Variants in MFSD11 observed in about 807,000 individuals in gnomAD.
The protein encoded by MFSD11 is major facilitator superfamily domain containing 11.
MFSD11 carries 36 observed loss-of-function variants against 53.5 expected under a neutral mutation model. The ratio of observed to expected loss-of-function variants is 0.67; its 90% CI spans 0.52 to 0.89. The LOEUF (loss-of-function observed/expected upper bound fraction) is 0.89. MFSD11 is among the 40% of genes least tolerant of loss of function. The pLI, the probability that MFSD11 is intolerant of heterozygous loss-of-function variation, is 0.00. For missense variants in MFSD11, 530 were observed against 543.9 expected (o/e 0.97, Z 0.25); for synonymous variants, 186 against 184.9 (o/e 1.01, Z -0.05).
Position 76,769,855 on chromosome 17 carries a change from C to A in MFSD11, c.858C>A (p.Gly286=). Residue 286 remains glycine, a synonymous_variant, in exon 10 of 13, where the codon GGC becomes GGA. Transcript: ENST00000685175. ...SLIGLSGIFI[G]IGEILGGSLF... is the part of the protein sequence containing the mutation. ...TTGGACTTTCTGGCATTTTCATCGG[C>A]ATTGGAGAAATTTTAGGTTGGTTTT... 1 of 1,607,160 alleles carries A rather than the reference C, an allele frequency of 6.2e-7. No homozygotes were observed. The highest frequency in any genetic ancestry group is 8.5e-7 in the Non-Finnish European group (1 of 1,178,520).
At chr17:76,753,188 A>G (rs1397158905) in intron 7 of MFSD11, among the ~76,000 whole-genome samples, 1 of 152,202 alleles carries the variant, frequency 6.6e-6, no homozygotes. Flanking sequence ...CTCGATACCC[A>G]AACAGTCATA....
intron 7 of MFSD11, among the ~76,000 whole-genome samples, chr17:76,750,691 A>G (rs1172753140): frequency 6.6e-6 from 1 of 152,042 alleles, no homozygotes; most frequent in Non-Finnish European, 1.5e-5. Flanking sequence ...TTGGATCACC[A>G]TTAGATTCCT....
At position 76,769,654 on chromosome 17, in the gene MFSD11, C is replaced by T. The variant is rs990543858; in HGVS notation, c.749-92C>T. 2.8e-5 allele frequency: 27 copies of T among 965,074 alleles called. 1 individual carries two copies. Among genetic ancestry groups the T allele is most frequent in the Admixed American group, 1.8e-4 (7 of 39,138 alleles). The allele number at this position is 965,074 out of a possible 1,614,324, so 59.8% of individuals were successfully genotyped here. A position where few individuals can be genotyped will look rare whatever the true frequency, so the allele number is the denominator to read the frequency against. ...TCTGTGAGTTTTATGTGTTTTACTA[C>T]GCAAGTATTCTTTCGTCAGATACTA... is the stretch of plus-strand genomic sequence containing the variant. On this transcript the variant is annotated intron_variant, in intron 9 of 12. Transcript: ENST00000685175.
At chr17:76,736,787 A>G, upstream of MFSD11, 1 of 1,525,380 alleles carries the variant, frequency 6.6e-7, no homozygotes. Context: ...CGGTCCCCTC[A>G]GCCCCGTTTA....
At chr17:76,744,820 GGTTACT>G (rs2078399090) in intron 7 of MFSD11, among the ~76,000 whole-genome samples, 1 of 152,186 alleles carries the variant, frequency 6.6e-6, no homozygotes, top group African/African-American at 2.4e-5. Flanking sequence ...TGTTGACCTT[GGTTACT>G]GTTTCTGTGA....
the MFSD11 span, among the ~76,000 whole-genome samples, chr17:76,803,264 A>T: frequency 6.6e-6 from 1 of 152,176 alleles, no homozygotes; most frequent in African/African-American, 2.4e-5. Flanking sequence ...TGACCTAACC[A>T]ACTCCATCTT....
chr17:76,753,765 C>T (rs1030393471), intron 7 of MFSD11, among the ~76,000 whole-genome samples: 1 of 151,420 alleles, frequency 6.6e-6, no homozygotes, highest in African/African-American at 2.4e-5. Context: ...CCTGAAGTAT[C>T]ATTTCTGAGA....
intron 6 of MFSD11, among the ~76,000 whole-genome samples, 154 bp downstream of exon 6, chr17:76,743,610 G>T (rs1241778409): frequency 6.6e-6 from 1 of 151,964 alleles, no homozygotes; most frequent in African/African-American, 2.4e-5. Context: ...ACTTTTCCTT[G>T]GTTTATATTA....
At chr17:76,790,953 AAG>A in the MFSD11 span, among the ~76,000 whole-genome samples, 1 of 147,800 alleles carries the variant, frequency 6.8e-6, no homozygotes, top group Non-Finnish European at 1.5e-5. Context: ...AAAAAAAAAA[AAG>A]AAATATTCTA....
At position 76,738,980 on chromosome 17, in the gene MFSD11, A is replaced by C; in HGVS notation, c.139A>C (p.Ser47Arg). The change falls in exon 2 of 13, where the codon AGT becomes CGT. Residue 47 changes from serine to arginine, a missense_variant. Ser to Arg is a moderately radical substitution (Grantham distance 110). Coordinates refer to ENST00000685175, the MANE Select transcript of MFSD11 (RefSeq NM_001242532.5). ...CTTAAATAGGACAGATTTTCACGGC[A>C]GTGGATATACCAGGTATTGTACCGT... ...RSLNRTDFHG[S>R]GYTSMAIIYG... 1 of 1,613,688 alleles carries C rather than the reference A, an allele frequency of 6.2e-7. No individual in the cohort carries two copies. The highest frequency in any genetic ancestry group is 1.1e-5 in the South Asian group (1 of 91,080).
At chr17:76,799,064 A>G in the MFSD11 span, 1 of 152,186 alleles carries the variant, frequency 6.6e-6, no homozygotes, top group Non-Finnish European at 1.5e-5. Flanking sequence ...TGGAAATGCA[A>G]TAGATTCAGA....
chr17:76,801,692 G>C, the MFSD11 span, among the ~76,000 whole-genome samples: 4 of 152,066 alleles, frequency 2.6e-5, no homozygotes, highest in African/African-American at 9.7e-5. Flanking sequence ...GGATCCACCT[G>C]CCTTGGCCTC....
In MFSD11 at chr17:76,764,656, G is replaced by C. The variant is rs144211209; in HGVS notation, c.683-2730G>C. Among the ~76,000 whole-genome samples the C allele has an allele frequency of 7.1e-3, 1,077 of 152,048 alleles. 14 individuals carry two copies. The highest frequency in any genetic ancestry group is 0.024 in the African/African-American group (980 of 41,410). On this transcript the variant is annotated intron_variant, in intron 8 of 12. Transcript: ENST00000685175. The stretch of plus-strand genomic sequence containing the variant: ...TTATTCATCCGTTTAAGGACACTTA[G>C]TTGTTTCCATGTCTTTGCTATATAA...
At chr17:76,742,769 G>T (rs988635255) in intron 5 of MFSD11, among the ~76,000 whole-genome samples, 1 of 152,168 alleles carries the variant, frequency 6.6e-6, no homozygotes, top group South Asian at 2.1e-4. Flanking sequence ...CTCCCAGAGT[G>T]TTGGGATTAC....
At chr17:76,787,116 C>T in the MFSD11 span, among the ~76,000 whole-genome samples, 1 of 148,640 alleles carries the variant, frequency 6.7e-6, no homozygotes, top group African/African-American at 2.5e-5. Context: ...CAAAGGATAA[C>T]AGGATGTGAG....
the MFSD11 span, among the ~76,000 whole-genome samples, chr17:76,798,406 C>T: frequency 6.6e-6 from 1 of 152,152 alleles, no homozygotes. Context: ...ATGGCAGCCT[C>T]CTCCCTGCCC....
chr17:76,744,824 A>G (rs761835658), intron 7 of MFSD11, among the ~76,000 whole-genome samples: 1 of 152,176 alleles, frequency 6.6e-6, no homozygotes, highest in Non-Finnish European at 1.5e-5. Flanking sequence ...GACCTTGGTT[A>G]CTGTTTCTGT....
At chr17:76,744,075 C>T (rs181759042) in intron 6 of MFSD11, among the ~76,000 whole-genome samples, 6 of 152,240 alleles carry the variant, frequency 3.9e-5, no homozygotes, top group African/African-American at 4.8e-5. Context: ...TTCTCTGGAC[C>T]CTTCTTTGAT....
intron 8 of MFSD11, among the ~76,000 whole-genome samples, chr17:76,755,879 A>G (rs1407997142): frequency 1.5e-5 from 2 of 131,430 alleles, no homozygotes; most frequent in African/African-American, 3.0e-5. Flanking sequence ...GCTGGAATGC[A>G]ATGGTGCGAT....
Sources: allele counts gnomAD v4.1 joint callset (sites outside exome capture counted in the v4.1 genomes callset), GRCh38; gene constraint gnomAD v4.1.1; transcripts MANE v1.5; gene names NCBI Gene and HGNC (gene_info 2026-07-23, HGNC 2026-07-21).